ATP1A3: variants seen among roughly 807,000 people sequenced by gnomAD.
ATP1A3 encodes the protein sodium/potassium-transporting ATPase subunit alpha-3.
ATP1A3 carries 12 observed loss-of-function variants against 108.8 expected under a neutral mutation model. The ratio of observed to expected loss-of-function variants is 0.11; its 90% confidence interval spans 0.07 to 0.18. ATP1A3 has a LOEUF of 0.18. Among genes scored for constraint, ATP1A3 ranks in the 10% least tolerant of loss-of-function variants. ATP1A3 has a pLI of 1.00. For missense variants in ATP1A3, 498 were observed against 1,387.7 expected, an observed-to-expected ratio of 0.36 and a Z score of 10.19; for synonymous variants, 539 against 564.5, an observed-to-expected ratio of 0.95 and a Z score of 0.64.
chr19:41,978,478 T>C lies in ATP1A3; in HGVS notation c.1630+128A>G. 6 of 1,495,958 alleles carry C rather than the reference T, an allele frequency of 4.0e-6. No individual in the cohort carries two copies. Among genetic ancestry groups the C allele is most frequent in the Non-Finnish European group, 5.5e-6 (6 of 1,092,752 alleles). 92.7% of individuals were successfully genotyped at this position (1,495,958 alleles called of 1,614,324 possible). On this transcript the variant is annotated intron_variant, in intron 12 of 22. Transcript: ENST00000648268. The surrounding 1 kb of genome is among the most constrained non-coding windows in gnomAD (Gnocchi z 8.3). Reference sequence around the variant, plus strand: ...CTAGGATACCTTCCCCTCTCATCCATCCATTCATTCATTCATTCATTCATT... The same window carrying C: ...CTAGGATACCTTCCCCTCTCATCCACCCATTCATTCATTCATTCATTCATT...
Position 41,988,094 on chromosome 19 carries a change from G to C in ATP1A3, c.199C>G (p.Pro67Ala). The C allele has an allele frequency of 6.2e-7, 1 of 1,614,114 alleles. No individual in the cohort carries two copies. Among genetic ancestry groups the C allele is most frequent in the Non-Finnish European group, 8.5e-7 (1 of 1,180,006 alleles). Reference protein sequence around the residue: ...KAQEILARDGPNALTPPPTTP... With the variant: ...KAQEILARDGANALTPPPTTP... ...GTAGGCGGTGGCGTGAGTGCGTTAG[G>C]CCCATCCCGGGCCAGGATCTCCTGG... Residue 67 changes from proline to alanine, a missense_variant, in exon 4 of 23, where the codon CCT (proline) becomes GCT (alanine). Pro to Ala is a conservative substitution (Grantham distance 27, BLOSUM62 -1). This residue lies in a region of ATP1A3 where 127 missense variants were observed against 464.0 expected (regional missense o/e 0.27). Coordinates refer to ENST00000648268, the MANE Select transcript of ATP1A3 (RefSeq NM_152296.5). This position sits in a 1 kb window ranked among gnomAD's most constrained non-coding sequence, Gnocchi z 5.3.
chr19:41,967,137 G>A lies in ATP1A3; in HGVS notation c.3013+112C>T. The A allele has an allele frequency of 6.4e-7, 1 of 1,572,030 alleles. No homozygotes were observed. The highest frequency in any genetic ancestry group is 1.7e-4 in the Middle Eastern group (1 of 6,014). On this transcript the variant is annotated intron_variant, in intron 22 of 22. Coordinates refer to ENST00000648268, the MANE Select transcript of ATP1A3 (RefSeq NM_152296.5). The surrounding 1 kb of genome is among the most constrained non-coding windows in gnomAD (Gnocchi z 4.2). The stretch of plus-strand genomic sequence containing the variant: ...CCCGGAGAGATGGGAAGAGAGAGAA[G>A]AGTGGGAACCAGGTGGCAGAGCCAT...
At chr19:41,975,934 A>C (rs1278704948) in intron 15 of ATP1A3, 137 bp from the exon 16 acceptor site, 6 of 1,219,132 alleles carry the variant, frequency 4.9e-6, no homozygotes, top group Non-Finnish European at 7.1e-6. Flanking sequence ...TCTTCCCCTC[A>C]GACCTAGGAG....
intron 16 of ATP1A3, among the ~76,000 whole-genome samples, chr19:41,971,807 G>A (rs1268159167): frequency 6.6e-6 from 1 of 152,138 alleles, no homozygotes; most frequent in East Asian, 1.9e-4. Context: ...CTGGGGTCTG[G>A]TGGTTGCATG....
Position 41,988,466 on chromosome 19 carries a change from C to G in ATP1A3, c.93+10G>C. 6.2e-7 allele frequency: 1 copy of G among 1,614,202 alleles called. No individual in the cohort carries two copies. Among genetic ancestry groups the G allele is most frequent in the Non-Finnish European group, 8.5e-7 (1 of 1,180,040 alleles). ...TCTGGGAGGGTGTGCGGGCAGAGGG[C>G]GAGGCTTACCATAGCCACCTCCTTC... On this transcript the variant is annotated intron_variant, in intron 2 of 22. Transcript: ENST00000648268. This position sits in a 1 kb window ranked among gnomAD's most constrained non-coding sequence, Gnocchi z 5.3.
In ATP1A3 at chr19:41,978,132, C is replaced by A; in HGVS notation, c.1806+19G>T. 1 of 1,614,234 alleles carries A rather than the reference C, an allele frequency of 6.2e-7. No individual in the cohort carries two copies. The highest frequency in any genetic ancestry group is 8.5e-7 in the Non-Finnish European group (1 of 1,180,042). ...GCCCCACGCCTGGCTTTGCCTCCCC[C>A]AGCCACCCCAAGCCACACCTTGATG... On this transcript the variant is annotated intron_variant, in intron 13 of 22. Coordinates refer to ENST00000648268, the MANE Select transcript of ATP1A3 (RefSeq NM_152296.5). This position sits in a 1 kb window ranked among gnomAD's most constrained non-coding sequence, Gnocchi z 8.3.
Position 41,988,372 on chromosome 19 carries a change from C to T in ATP1A3, c.99G>A (p.Glu33=), listed in dbSNP as rs35429923. Residue 33 remains glutamate, a synonymous_variant, in exon 3 of 23, where the codon GAG becomes GAA. Coordinates refer to ENST00000648268, the MANE Select transcript of ATP1A3 (RefSeq NM_152296.5). The surrounding 1 kb of genome is among the most constrained non-coding windows in gnomAD (Gnocchi z 5.3). ...DDLKKEVAMT[E]HKMSVEEVCR... The stretch of plus-strand genomic sequence containing the variant: ...AGACCTCTTCCACTGACATCTTGTG[C>T]TCTGTCTGAGGAACAGGAGTTTGGG... 6.8e-6 allele frequency: 11 copies of T among 1,614,078 alleles called. No homozygotes were observed. In the Admixed American group the frequency reaches 1.7e-4, roughly 24 times the overall value.
Position 41,970,511 on chromosome 19 carries a change from G to A in ATP1A3, c.2295C>T (p.Ser765=), listed in dbSNP as rs782638647. The change falls in exon 17 of 23, where the codon TCC becomes TCT. Residue 765 remains serine, a synonymous_variant. Transcript: ENST00000648268. ...TATTGCTGGTCAGGGTGTAGGCAATGGACTTCTTTAGGTTGTCGAAGATCA... is the reference window on the plus strand; with the variant it reads ...TATTGCTGGTCAGGGTGTAGGCAATAGACTTCTTTAGGTTGTCGAAGATCA... ...GRLIFDNLKK[S]IAYTLTSNIP... is the part of the protein sequence containing the mutation. 1 of 1,614,012 alleles carries A rather than the reference G, an allele frequency of 6.2e-7. No homozygotes were observed. The highest frequency in any genetic ancestry group is 8.5e-7 in the Non-Finnish European group (1 of 1,180,026).
chr19:41,975,918 A>G lies in ATP1A3; in HGVS notation c.2095-121T>C, dbSNP rs576820838. The stretch of plus-strand genomic sequence containing the variant: ...TCAGACCTAGAAGTTCAGGTCCCCA[A>G]CCTCCTCTTCCCCTCAGACCTAGGA... On this transcript the variant is annotated intron_variant, in intron 15 of 22. Coordinates refer to ENST00000648268, the MANE Select transcript of ATP1A3 (RefSeq NM_152296.5). 4 of 1,331,922 alleles carry G rather than the reference A, an allele frequency of 3.0e-6. No homozygotes were observed. In the African/African-American group the frequency reaches 4.5e-5, roughly 15 times the overall value. 82.5% of individuals were successfully genotyped at this position (1,331,922 alleles called of 1,614,324 possible).
Position 41,967,598 on chromosome 19 carries a change from G to A in ATP1A3, c.2921+64C>T, listed in dbSNP as rs542306723. On this transcript the variant is annotated intron_variant, in intron 21 of 22. Transcript: ENST00000648268. The surrounding 1 kb of genome is among the most constrained non-coding windows in gnomAD (Gnocchi z 4.2). Reference sequence around the variant, plus strand: ...AGGTGGGGCCTGAGGTTCAGGCTGAGTCTAAGGGAAGGCTCCATGGCAGGC... The same window carrying A: ...AGGTGGGGCCTGAGGTTCAGGCTGAATCTAAGGGAAGGCTCCATGGCAGGC... 6.4e-7 allele frequency: 1 copy of A among 1,553,520 alleles called. No homozygotes were observed. The highest frequency in any genetic ancestry group is 1.1e-5 in the South Asian group (1 of 88,394).
In ATP1A3 at chr19:41,976,461, T is replaced by G. The variant is rs781828729; in HGVS notation, c.2049A>C (p.Thr683=). Residue 683 remains threonine, a synonymous_variant, in exon 15 of 23, where the codon ACA becomes ACC. Transcript: ENST00000648268. ...CAATGATGAGCTTCTGCTGGGGGGA[T>G]GTGCGGGCGAAGACGATCTCGGTGT... The part of the protein sequence containing the change: ...QNHTEIVFAR[T]SPQQKLIIVE... 1.2e-6 allele frequency: 2 copies of G among 1,614,154 alleles called. No individual in the cohort carries two copies. Among genetic ancestry groups the G allele is most frequent in the Non-Finnish European group, 8.5e-7 (1 of 1,180,038 alleles).
Position 41,978,504 on chromosome 19 carries a change from T to C in ATP1A3, c.1630+102A>G. The C allele has an allele frequency of 3.9e-6, 6 of 1,525,008 alleles. No individual in the cohort carries two copies. Among genetic ancestry groups the C allele is most frequent in the Non-Finnish European group, 5.4e-6 (6 of 1,112,348 alleles). 94.5% of individuals were successfully genotyped at this position (1,525,008 alleles called of 1,614,324 possible). A position where few individuals can be genotyped will look rare whatever the true frequency, so the allele number is the denominator to read the frequency against. Reference sequence around the variant, plus strand: ...CCATTCATTCATTCATTCATTCATTTACAGTATATTCTGGGAGGCCCTGGG... The same window carrying C: ...CCATTCATTCATTCATTCATTCATTCACAGTATATTCTGGGAGGCCCTGGG... On this transcript the variant is annotated intron_variant, in intron 12 of 22. Coordinates refer to ENST00000648268, the MANE Select transcript of ATP1A3 (RefSeq NM_152296.5). This position sits in a 1 kb window ranked among gnomAD's most constrained non-coding sequence, Gnocchi z 8.3.
At position 41,986,110 on chromosome 19, in the gene ATP1A3, C is replaced by G; in HGVS notation, c.471+6G>C. 1 of 1,614,162 alleles carries G rather than the reference C, an allele frequency of 6.2e-7. No homozygotes were observed. Among genetic ancestry groups the G allele is most frequent in the Non-Finnish European group, 8.5e-7 (1 of 1,180,006 alleles). The stretch of plus-strand genomic sequence containing the variant: ...CCCGTCTGGCCCCTTGCTGGGCACC[C>G]TTCACCTGGGGCACCATGTTCTTGA... On this transcript the variant is annotated splice_donor_region_variant and intron_variant, in intron 5 of 22. Transcript: ENST00000648268.
chr19:41,991,494 C>T (rs971885531), intron 1 of ATP1A3, among the ~76,000 whole-genome samples: 22 of 152,050 alleles, frequency 1.4e-4, no homozygotes, highest in Non-Finnish European at 2.6e-4. Context: ...CAGCTTTGCC[C>T]GATGGGGTAG....
In ATP1A3 at chr19:41,967,964, G is replaced by T. The variant is rs947030433; in HGVS notation, c.2820-201C>A. Among the ~76,000 whole-genome samples the T allele has an allele frequency of 1.3e-5, 2 of 151,994 alleles. No individual in the cohort carries two copies. The highest frequency in any genetic ancestry group is 4.2e-4 in the South Asian group (2 of 4,808). ...AGACAAAGATAGAGGCAGAGCGATG[G>T]TGACACAGAAAGAGACAAAAGACAG... On this transcript the variant is annotated intron_variant, in intron 20 of 22. Coordinates refer to ENST00000648268, the MANE Select transcript of ATP1A3 (RefSeq NM_152296.5). This position sits in a 1 kb window ranked among gnomAD's most constrained non-coding sequence, Gnocchi z 4.2.
chr19:41,983,275 G>T (rs1394921245), intron 8 of ATP1A3, among the ~76,000 whole-genome samples: 4 of 151,432 alleles, frequency 2.6e-5, no homozygotes, highest in Non-Finnish European at 5.9e-5. Flanking sequence ...ATGGGGTTTT[G>T]CCATGTTGGC....
intron 17 of ATP1A3, 40 bp from the exon 18 acceptor site, chr19:41,970,348 T>C (rs1390236010): frequency 1.2e-6 from 2 of 1,613,558 alleles, no homozygotes; most frequent in African/African-American, 1.3e-5. Flanking sequence ...AGGGGAGGAC[T>C]CCACCCTCCT....
intron 1 of ATP1A3, chr19:41,992,792 C>T (rs2075352500): frequency 6.5e-6 from 1 of 153,240 alleles, no homozygotes; most frequent in Admixed American, 6.5e-5. Flanking sequence ...CTTCCCATGT[C>T]TAAGCTGCCT....
intron 16 of ATP1A3, among the ~76,000 whole-genome samples, chr19:41,974,238 A>T (rs563522910): frequency 2.1e-4 from 32 of 152,002 alleles, no homozygotes; most frequent in Admixed American, 5.9e-4. Flanking sequence ...CTCAAAAAAA[A>T]AGAAAGACTA....
Sources: gnomAD v4.1 joint callset for allele counts (sites outside exome capture counted in the v4.1 genomes callset) on GRCh38, gnomAD v4.1.1 for gene constraint, gnomAD v4.1.1 regional missense constraint, Gnocchi (gnomAD v3.1) non-coding constraint, MANE v1.5 for transcripts, NCBI Gene and HGNC (gene_info 2026-07-23, HGNC 2026-07-21) for gene names.